Variants in SLC7A2 observed in about 807,000 individuals in gnomAD.
SLC7A2 encodes cationic amino acid transporter 2.
A neutral mutation model predicts 58.9 loss-of-function variants in SLC7A2; 48 were observed. The observed-to-expected ratio is 0.82, with a 90% CI of 0.65 to 1.04. SLC7A2 has a LOEUF of 1.04. Ranked by LOEUF, SLC7A2 falls within the 50% of genes least tolerant of loss-of-function variation. The pLI is 0.00. For synonymous variants in SLC7A2, 363 were observed against 314.5 expected, an observed-to-expected ratio of 1.15 and a Z score of -1.63; for missense variants, 1,029 against 818.8, an observed-to-expected ratio of 1.26 and a Z score of -3.13.
intron 2 of SLC7A2, among the ~76,000 whole-genome samples, chr8:17,509,251 T>C (rs759380625): frequency 6.6e-6 from 1 of 152,222 alleles, no homozygotes; most frequent in Non-Finnish European, 1.5e-5. Context: ...ATTCAGGCTA[T>C]TTTCAAGAAT....
chr8:17,510,936 T>A (rs1439104971), intron 2 of SLC7A2: 1 of 152,198 alleles, frequency 6.6e-6, no homozygotes, highest in Non-Finnish European at 1.5e-5. Flanking sequence ...AGGAATGCGA[T>A]CATATCCTTT....
chr8:17,495,233 G>A (rs1799928876), upstream of SLC7A2, among the ~76,000 whole-genome samples: 2 of 152,088 alleles, frequency 1.3e-5, no homozygotes, highest in South Asian at 2.1e-4. Context: ...GAGCCACCGC[G>A]ACTCCCAGGA....
chr8:17,548,704 T>C lies in SLC7A2; in HGVS notation c.559T>C (p.Ser187Pro), dbSNP rs774171827. Residue 187 changes from serine to proline, a missense_variant, in exon 5 of 13, where the codon TCT becomes CCT. Ser to Pro is a moderately conservative substitution (Grantham distance 74). Transcript: ENST00000494857. ...AGLLSFGVKE[S>P]AWVNKVFTAV... ...TCTTTTGTCTTTTGGAGTAAAAGAG[T>C]CTGCTTGGGTGAATAAAGTCTTCAC... The C allele has an allele frequency of 3.1e-6, 5 of 1,609,456 alleles. No individual in the cohort carries two copies. Among genetic ancestry groups the C allele is most frequent in the Non-Finnish European group, 4.2e-6 (5 of 1,178,448 alleles).
At chr8:17,506,012 A>C (rs1259059722) in intron 2 of SLC7A2, among the ~76,000 whole-genome samples, 4 of 152,250 alleles carry the variant, frequency 2.6e-5, no homozygotes, top group Non-Finnish European at 5.9e-5. Context: ...GCTACTGAAA[A>C]ATTATCTCTT....
In SLC7A2 at chr8:17,543,716, G is replaced by C; in HGVS notation, c.376+1G>C. 1 of 1,514,174 alleles carries C rather than the reference G, an allele frequency of 6.6e-7. No individual in the cohort carries two copies. The highest frequency in any genetic ancestry group is 8.8e-7 in the Non-Finnish European group (1 of 1,132,158). The allele number at this position is 1,514,174 out of a possible 1,614,324, so 93.8% of individuals were successfully genotyped here. A position where few individuals can be genotyped will look rare whatever the true frequency, so the allele number is the denominator to read the frequency against. On this transcript the variant is annotated splice_donor_variant, in intron 3 of 12. Transcript: ENST00000494857. LOFTEE classifies it high-confidence loss of function. Reference sequence around the variant, plus strand: ...AATCTCATTTTATCGTATGTGATAGGTATGTTTCAAAAAGAAATCTAACTT... The same window carrying C: ...AATCTCATTTTATCGTATGTGATAGCTATGTTTCAAAAAGAAATCTAACTT...
chr8:17,526,074 T>A (rs1370823391), intron 2 of SLC7A2, among the ~76,000 whole-genome samples: 1 of 152,150 alleles, frequency 6.6e-6, no homozygotes, highest in Non-Finnish European at 1.5e-5. Flanking sequence ...AAGATAATTC[T>A]ATGGACTGTA....
intron 9 of SLC7A2, among the ~76,000 whole-genome samples, chr8:17,560,096 G>A (rs1015469757): frequency 5.9e-5 from 9 of 152,048 alleles, no homozygotes; most frequent in Admixed American, 5.2e-4. Flanking sequence ...GCCATCTATT[G>A]TATGACTCTG....
At chr8:17,560,232 C>A in intron 9 of SLC7A2, 96 bp from the exon 10 acceptor site, 1 of 834,186 alleles carries the variant, frequency 1.2e-6, no homozygotes, top group Non-Finnish European at 2.0e-6. Flanking sequence ...CACACTATCA[C>A]TCTGTATGAT....
At position 17,565,324 on chromosome 8, in the gene SLC7A2, G is replaced by T. The variant is rs1803217972; in HGVS notation, c.*178G>T. On this transcript the variant is annotated 3_prime_UTR_variant, in exon 13 of 13. Coordinates refer to ENST00000494857, the MANE Select transcript of SLC7A2 (RefSeq NM_001370338.1). Reference sequence around the variant, plus strand: ...TCAGATGGTGAATTATGTGCACGGGGAAACCTCCTGAGTGGAAGTTTCATT... The same window carrying T: ...TCAGATGGTGAATTATGTGCACGGGTAAACCTCCTGAGTGGAAGTTTCATT... 1.7e-6 allele frequency: 1 copy of T among 576,798 alleles called. No homozygotes were observed. Among genetic ancestry groups the T allele is most frequent in the East Asian group, 2.9e-5 (1 of 34,600 alleles). 35.7% of individuals were successfully genotyped at this position (576,798 alleles called of 1,614,324 possible). A position where few individuals can be genotyped will look rare whatever the true frequency, so the allele number is the denominator to read the frequency against.
In SLC7A2 at chr8:17,565,630, T is replaced by G. The variant is rs546312331; in HGVS notation, c.*484T>G. 1 of 153,026 alleles carries G rather than the reference T, an allele frequency of 6.5e-6. No individual in the cohort carries two copies. The highest frequency in any genetic ancestry group is 2.4e-5 in the African/African-American group (1 of 41,480). The allele number at this position is 153,026 out of a possible 1,614,324, so 9.5% of individuals were successfully genotyped here. ...ACTTCATTAATGTCAGTTTAGGGGA[T>G]GCCAAAAATGCAGTTACTCATCATG... On this transcript the variant is annotated 3_prime_UTR_variant, in exon 13 of 13. Transcript: ENST00000494857.
intron 2 of SLC7A2, among the ~76,000 whole-genome samples, chr8:17,526,932 G>A (rs190832228): frequency 6.6e-6 from 1 of 152,284 alleles, no homozygotes; most frequent in African/African-American, 2.4e-5. Flanking sequence ...ATAAGTTCGA[G>A]AGAAATGTGG....
At chr8:17,526,835 C>T (rs887643347) in intron 2 of SLC7A2, among the ~76,000 whole-genome samples, 10 of 152,082 alleles carry the variant, frequency 6.6e-5, no homozygotes, top group African/African-American at 1.7e-4. Context: ...TCTTTCTCCA[C>T]GATTATTACA....
At chr8:17,501,363 T>C (rs1430112219) in intron 1 of SLC7A2, among the ~76,000 whole-genome samples, 3 of 152,212 alleles carry the variant, frequency 2.0e-5, no homozygotes, top group Non-Finnish European at 4.4e-5. Context: ...CCTCTGCTGC[T>C]GTTACGCTGA....
intron 2 of SLC7A2, among the ~76,000 whole-genome samples, chr8:17,534,125 T>C (rs1362089267): frequency 2.0e-5 from 3 of 152,222 alleles, no homozygotes; most frequent in Non-Finnish European, 4.4e-5. Context: ...TAGTATTCCA[T>C]AGTGTGTATA....
At chr8:17,534,448 C>T (rs1290018400) in intron 2 of SLC7A2, among the ~76,000 whole-genome samples, 4 of 152,180 alleles carry the variant, frequency 2.6e-5, no homozygotes, top group Admixed American at 1.3e-4. Context: ...AGGAGGGTTA[C>T]TGAACTGTGG....
At chr8:17,509,781 T>G (rs1246803408) in intron 2 of SLC7A2, among the ~76,000 whole-genome samples, 1 of 152,212 alleles carries the variant, frequency 6.6e-6, no homozygotes, top group East Asian at 1.9e-4. Flanking sequence ...ATTTGCTGAA[T>G]GGAATCTTCC....
chr8:17,507,586 A>T (rs1316420354), intron 2 of SLC7A2, among the ~76,000 whole-genome samples: 1 of 152,340 alleles, frequency 6.6e-6, no homozygotes, highest in South Asian at 2.1e-4. Flanking sequence ...GAAGTGATGG[A>T]TATGCAAATT....
At chr8:17,541,609 T>C (rs1173994223) in intron 2 of SLC7A2, among the ~76,000 whole-genome samples, 1 of 152,242 alleles carries the variant, frequency 6.6e-6, no homozygotes, top group African/African-American at 2.4e-5. Flanking sequence ...TATATTTATA[T>C]TGATGTGTGG....
chr8:17,560,930 C>T (rs1476371339), intron 10 of SLC7A2, among the ~76,000 whole-genome samples: 2 of 152,140 alleles, frequency 1.3e-5, no homozygotes, highest in Non-Finnish European at 2.9e-5. Context: ...ATCATTCATT[C>T]ATATTTTCAA....
Sources: gnomAD v4.1 joint callset for allele counts (sites outside exome capture counted in the v4.1 genomes callset) on GRCh38, gnomAD v4.1.1 for gene constraint, MANE v1.5 for transcripts, NCBI Gene and HGNC (gene_info 2026-07-23, HGNC 2026-07-21) for gene names.